The following CHID1 variants were observed in gnomAD, a reference collection of about 807,000 sequenced individuals.
CHID1 encodes the protein chitinase domain-containing protein 1.
Under a neutral mutation model 55.4 loss-of-function variants are expected in CHID1, and 44 were observed. The ratio of observed to expected loss-of-function variants is 0.79; its 90% CI spans 0.62 to 1.02. The LOEUF is 1.02. CHID1 is among the 50% of genes least tolerant of loss of function. The probability of loss-of-function intolerance (pLI) is 0.00; values close to 1 mark genes in which losing one functional copy is unlikely to be tolerated. For synonymous variants in CHID1, 216 were observed against 212.9 expected (o/e 1.01, Z -0.13); for missense variants, 491 against 515.3 (o/e 0.95, Z 0.46).
chr11:909,183 G>A (rs1413612960), intron 1 of CHID1, among the ~76,000 whole-genome samples: 1 of 152,152 alleles, frequency 6.6e-6, no homozygotes, highest in East Asian at 1.9e-4. Flanking sequence ...GCTCCCCACT[G>A]CTCACCGGCC....
rs774316668 is a variant in CHID1 at position 900,031 on chromosome 11, C to T, written c.519G>A (p.Leu173=). 3.7e-6 allele frequency: 6 copies of T among 1,613,952 alleles called. No homozygotes were observed. The East Asian group carries it at 1.1e-4, about 30-fold the overall frequency. ...VLDSEDEIEE[L]SKTVVQVAKN... ...TTGCCACCTGGACCACGGTCTTGCT[C>T]AGCTCCTCTATCTCATCCTCACTGT... Residue 173 remains leucine, a synonymous_variant, in exon 6 of 13, where the codon CTG becomes CTA. Transcript: ENST00000323578.
chr11:887,332 G>T (rs933030616), intron 8 of CHID1, among the ~76,000 whole-genome samples: 1 of 152,122 alleles, frequency 6.6e-6, no homozygotes, highest in African/African-American at 2.4e-5. Flanking sequence ...GCAGCCCGTC[G>T]TTGCTTTCCC....
chr11:883,803 G>A (rs544773190), intron 9 of CHID1, among the ~76,000 whole-genome samples: 49 of 152,364 alleles, frequency 3.2e-4, no homozygotes, highest in Non-Finnish European at 6.0e-4. Flanking sequence ...GGGCGGCATC[G>A]GGCAGCAGCA....
rs927788606 is a variant in CHID1, at chr11:888,186, A to G, written c.702-4017T>C. Among the ~76,000 whole-genome samples the G allele has an allele frequency of 2.0e-5, 3 of 152,256 alleles. No individual in the cohort carries two copies. The East Asian group carries it at 5.8e-4, about 29-fold the overall frequency. ...GGGCACCAACCACGGCCGCAGGCTA[A>G]GAACGGTCCTCACGCTTTCAAGGGT... is the stretch of plus-strand genomic sequence containing the variant. On this transcript the variant is annotated intron_variant, in intron 8 of 12. Coordinates refer to ENST00000323578, the MANE Select transcript of CHID1 (RefSeq NM_023947.4).
chr11:891,299 G>T (rs554807711), intron 8 of CHID1, among the ~76,000 whole-genome samples: 1 of 152,010 alleles, frequency 6.6e-6, no homozygotes, highest in Non-Finnish European at 1.5e-5. Context: ...GACCCCCACC[G>T]TGGGCCTCGG....
intron 7 of CHID1, among the ~76,000 whole-genome samples, chr11:893,837 T>TAAAAA (rs879432811): frequency 7.9e-5 from 11 of 138,954 alleles, no homozygotes; most frequent in African/African-American, 2.9e-4. Context: ...CATGGCAGAT[T>TAAAAA]AAAAAAAAAA....
At chr11:907,658 G>A (rs919470208) in intron 1 of CHID1, among the ~76,000 whole-genome samples, 4 of 152,166 alleles carry the variant, frequency 2.6e-5, no homozygotes, top group African/African-American at 7.2e-5. Context: ...GACCCCTCTA[G>A]ACCAGCTGAG....
intron 3 of CHID1, 72 bp downstream of exon 3, chr11:902,890 G>A (rs1210048349): frequency 1.4e-6 from 2 of 1,445,000 alleles, no homozygotes; most frequent in African/African-American, 1.4e-5. Context: ...GGCCAGAAGA[G>A]GCCATCACGG....
chr11:892,352 C>T (rs996397117), intron 8 of CHID1, among the ~76,000 whole-genome samples: 23 of 152,336 alleles, frequency 1.5e-4, no homozygotes, highest in African/African-American at 5.0e-4. Flanking sequence ...GTGCTGCAGA[C>T]GGGAGGCTCC....
intron 8 of CHID1, among the ~76,000 whole-genome samples, chr11:887,351 G>A (rs1850479657): frequency 1.3e-5 from 2 of 152,180 alleles, no homozygotes. Context: ...CCACCACCGT[G>A]TTCCCATTTT....
chr11:899,264 C>T, intron 7 of CHID1, 76 bp downstream of exon 7: 1 of 1,445,952 alleles, frequency 6.9e-7, no homozygotes, highest in Non-Finnish European at 9.5e-7. Flanking sequence ...TCCCCAAACC[C>T]CTGGTCTTTC....
intron 2 of CHID1, among the ~76,000 whole-genome samples, chr11:904,024 T>C (rs1357877195): frequency 5.3e-5 from 8 of 152,120 alleles, no homozygotes. Context: ...CACCTGCCCC[T>C]ACTCCACCTC....
rs1849099077 is a variant in CHID1, at chr11:870,491, T to C, written c.968A>G (p.Gln323Arg). ...CCGGGGCCTGTGGTCCTTCAGTGTCTGGATGTACCTGGGGAGACCAGGATA... is the reference window on the plus strand; with the variant it reads ...CCGGGGCCTGTGGTCCTTCAGTGTCCGGATGTACCTGGGGAGACCAGGATA... ...REPVVGARYIQTLKDHRPRMV... is the reference protein window; with the variant it reads ...REPVVGARYIRTLKDHRPRMV... Residue 323 changes from glutamine (Q) to arginine (R), a missense_variant, in exon 11 of 13, where the codon CAG (glutamine) becomes CGG (arginine). By Grantham distance (43) the Gln-to-Arg change is conservative. Coordinates refer to ENST00000323578, the MANE Select transcript of CHID1 (RefSeq NM_023947.4). The C allele has an allele frequency of 6.2e-7, 1 of 1,608,858 alleles. No homozygotes were observed. Among genetic ancestry groups the C allele is most frequent in the African/African-American group, 1.3e-5 (1 of 74,834 alleles).
At chr11:904,445 C>G (rs1341206983) in intron 2 of CHID1, among the ~76,000 whole-genome samples, 1 of 152,236 alleles carries the variant, frequency 6.6e-6, no homozygotes, top group Non-Finnish European at 1.5e-5. Flanking sequence ...GCACATAAAA[C>G]AAGCCCCACG....
chr11:903,304 G>A (rs1042908331), intron 2 of CHID1, among the ~76,000 whole-genome samples, 193 bp from the exon 3 acceptor site: 24 of 152,216 alleles, frequency 1.6e-4, no homozygotes, highest in African/African-American at 3.9e-4. Flanking sequence ...CACTCTGGCC[G>A]TCAACAGACA....
At chr11:884,271 T>C in intron 8 of CHID1, 102 bp from the exon 9 acceptor site, 1 of 802,098 alleles carries the variant, frequency 1.2e-6, no homozygotes, top group Non-Finnish European at 2.0e-6. Flanking sequence ...TTGGGTCACT[T>C]TTCCCAAGGG....
At chr11:889,421 G>A (rs1015490283) in intron 8 of CHID1, among the ~76,000 whole-genome samples, 2 of 152,090 alleles carry the variant, frequency 1.3e-5, no homozygotes, top group South Asian at 2.1e-4. Flanking sequence ...TCGGCTCCAC[G>A]TCAACCCCTC....
intron 1 of CHID1, among the ~76,000 whole-genome samples, chr11:905,445 G>A (rs565021529): frequency 2.0e-5 from 3 of 152,236 alleles, no homozygotes; most frequent in South Asian, 2.1e-4. Flanking sequence ...TGAGGCGGGC[G>A]GATCACCTGA....
intron 10 of CHID1, among the ~76,000 whole-genome samples, chr11:878,026 A>C (rs1849636529): frequency 6.6e-6 from 1 of 152,232 alleles, no homozygotes. Flanking sequence ...TACCACGGAC[A>C]CCCTGCACCA....
Sources: allele counts gnomAD v4.1 joint callset (sites outside exome capture counted in the v4.1 genomes callset), GRCh38; gene constraint gnomAD v4.1.1; transcripts MANE v1.5; gene names NCBI Gene and HGNC (gene_info 2026-07-23, HGNC 2026-07-21).